Variants in RTN4 observed in about 807,000 individuals in gnomAD.
RTN4 encodes the protein reticulon-4.
In RTN4, 32 loss-of-function variants were observed where a neutral mutation model predicts 90.4. The ratio of observed to expected loss-of-function variants is 0.35; its 90% CI spans 0.27 to 0.48. The LOEUF (loss-of-function observed/expected upper bound fraction) is 0.48. RTN4 is among the 20% of genes least tolerant of loss of function. RTN4 has a pLI of 0.99. For missense variants in RTN4, 1,706 were observed against 1,430.2 expected, an observed-to-expected ratio of 1.19 and a Z score of -3.11; for synonymous variants, 629 against 552.5, an observed-to-expected ratio of 1.14 and a Z score of -1.94.
chr2:55,007,970 GACTACC>G, intron 3 of RTN4, among the ~76,000 whole-genome samples: 1 of 151,868 alleles, frequency 6.6e-6, no homozygotes, highest in African/African-American at 2.4e-5. Flanking sequence ...AAAATCTTTT[GACTACC>G]TTAATCAAAA....
At chr2:55,080,390 G>A (rs1293253179) in intron 2 of RTN4, 1 of 151,900 alleles carries the variant, frequency 6.6e-6, no homozygotes, top group Non-Finnish European at 1.5e-5. Flanking sequence ...AATTATCCGG[G>A]GTAGGTGGCA....
At chr2:55,061,211 G>A (rs568486476) in intron 2 of RTN4, among the ~76,000 whole-genome samples, 26 of 151,954 alleles carry the variant, frequency 1.7e-4, no homozygotes, top group African/African-American at 5.3e-4. Context: ...GGTTACAGGC[G>A]CACGCCACCA....
rs541631459 is a variant in RTN4 at position 55,102,392 on chromosome 2, C to A, written c.-214+10128G>T. ...GACCATGCTGTCTCTGCCAAAATGGCTCAACTCTGTTGTTTTACGGCAAAA... is the reference window on the plus strand; with the variant it reads ...GACCATGCTGTCTCTGCCAAAATGGATCAACTCTGTTGTTTTACGGCAAAA... On this transcript the variant is annotated intron_variant, in intron 1 of 3. Transcript: ENST00000427710. Among the ~76,000 whole-genome samples, 59 of 152,252 alleles carry A rather than the reference C, an allele frequency of 3.9e-4. 1 individual carries two copies. The highest frequency in any genetic ancestry group is 3.6e-3 in the Admixed American group (55 of 15,288).
chr2:55,068,108 T>C (rs1310313626), intron 2 of RTN4, among the ~76,000 whole-genome samples: 2 of 152,218 alleles, frequency 1.3e-5, no homozygotes, highest in Non-Finnish European at 2.9e-5. Flanking sequence ...TGGTTGGAAA[T>C]GGGAAGAATA....
At chr2:54,983,321 T>TAATAAATAAATAAATA (rs142672156) in intron 4 of RTN4, among the ~76,000 whole-genome samples, 55 of 148,232 alleles carry the variant, frequency 3.7e-4, no homozygotes, top group African/African-American at 1.3e-3. Flanking sequence ...ATTGTATTGG[T>TAATAAATAAATAAATA]AATAAATAAA....
At chr2:55,084,994 T>A (rs1668809828) in intron 1 of RTN4, among the ~76,000 whole-genome samples, 2 of 152,194 alleles carry the variant, frequency 1.3e-5, no homozygotes, top group South Asian at 4.1e-4. Flanking sequence ...TCTTACTATG[T>A]TGCCCAGGCT....
intron 2 of RTN4, among the ~76,000 whole-genome samples, chr2:55,078,517 A>G (rs1035968425): frequency 6.6e-6 from 1 of 152,228 alleles, no homozygotes; most frequent in Non-Finnish European, 1.5e-5. Flanking sequence ...ATAACTTCCT[A>G]TGGCTAAATA....
In RTN4 at chr2:55,049,946, C is replaced by G. The variant is rs1257727455; in HGVS notation, c.355G>C (p.Ala119Pro). 12 of 1,350,414 alleles carry G rather than the reference C, an allele frequency of 8.9e-6. No homozygotes were observed. Among genetic ancestry groups the G allele is most frequent in the South Asian group, 1.8e-5 (1 of 55,576 alleles). 83.7% of individuals were successfully genotyped at this position (1,350,414 alleles called of 1,614,324 possible). Residue 119 changes from alanine to proline, a missense_variant, in exon 1 of 9, where the codon GCG (alanine) becomes CCG (proline). Coordinates refer to ENST00000337526, the MANE Select transcript of RTN4 (RefSeq NM_020532.5). ...DPSPVSSTVP[A>P]PSPLSAAAVS... is the part of the protein sequence containing the mutation. ...GCGGCAGCAGACAGCGGGGATGGCG[C>G]GGGCACGGTCGACGACACCGGGCTC...
At chr2:55,120,237 C>T in the RTN4 span, among the ~76,000 whole-genome samples, 2 of 152,202 alleles carry the variant, frequency 1.3e-5, no homozygotes, top group African/African-American at 2.4e-5. Flanking sequence ...AGCAAAGGTT[C>T]TTAGAAGGAA....
intron 1 of RTN4, among the ~76,000 whole-genome samples, chr2:55,101,652 T>C (rs1667855038): frequency 6.6e-6 from 1 of 152,164 alleles, no homozygotes; most frequent in African/African-American, 2.4e-5. Context: ...GTGCTAGGTA[T>C]GCAAGTACCA....
chr2:55,101,979 A>T (rs139148933), intron 1 of RTN4, among the ~76,000 whole-genome samples: 1 of 151,780 alleles, frequency 6.6e-6, no homozygotes, highest in East Asian at 1.9e-4. Flanking sequence ...GTGAAATCTT[A>T]TTATTGTTTT....
intron 2 of RTN4, among the ~76,000 whole-genome samples, chr2:55,066,076 AAAG>A (rs1324369766): frequency 6.6e-6 from 1 of 152,246 alleles, no homozygotes; most frequent in South Asian, 2.1e-4. Flanking sequence ...AAATTTTTAA[AAAG>A]AATAGAACTA....
chr2:55,009,947 T>C (rs1411023019), intron 3 of RTN4: 25 of 864,034 alleles, frequency 2.9e-5, no homozygotes, highest in Non-Finnish European at 3.9e-5. Flanking sequence ...ACACGTGAGA[T>C]AGCCGTTTTA....
intron 8 of RTN4, 139 bp from the exon 9 acceptor site, chr2:54,973,337 T>G (rs566262538): frequency 2.2e-6 from 2 of 893,288 alleles, no homozygotes; most frequent in Admixed American, 4.9e-5. Context: ...AGCTATAATT[T>G]TGCCACCTTG....
Position 55,025,081 on chromosome 2 carries a change from A to T in RTN4, c.3013+5T>A. 1 of 1,590,166 alleles carries T rather than the reference A, an allele frequency of 6.3e-7. No individual in the cohort carries two copies. The highest frequency in any genetic ancestry group is 1.1e-5 in the South Asian group (1 of 87,480). ...AAGCACAAAACTGCATATAGATTGG[A>T]TTACCTGAAGTTTTACTCAGCTCTG... On this transcript the variant is annotated splice_donor_5th_base_variant and intron_variant, in intron 3 of 8. Coordinates refer to ENST00000337526, the MANE Select transcript of RTN4 (RefSeq NM_020532.5).
upstream of RTN4, among the ~76,000 whole-genome samples, chr2:55,116,773 G>A (rs1470375361): frequency 6.6e-6 from 1 of 152,084 alleles, no homozygotes; most frequent in Non-Finnish European, 1.5e-5. Context: ...AAGATTCTAG[G>A]GGAAAAGACT....
intron 2 of RTN4, among the ~76,000 whole-genome samples, chr2:55,066,187 G>T (rs867566824): frequency 4.1e-4 from 25 of 61,406 alleles, no homozygotes; most frequent in Middle Eastern, 0.011. Context: ...GTGTGTGTGT[G>T]TGTGTTTGTG....
intron 2 of RTN4, 46 bp downstream of exon 2, chr2:55,028,118 A>G: frequency 1.3e-6 from 2 of 1,547,064 alleles, no homozygotes; most frequent in Admixed American, 1.8e-5. Context: ...CTAAAGAGTT[A>G]AAGTTAGAAT....
At position 54,973,140 on chromosome 2, in the gene RTN4, ATTATT is replaced by A; in HGVS notation, c.*11_*15del. ...CCCCTTTAAAGATGAACTCCTACTA[ATTATT>A]TTGGGCGTTTTCATTCAGCTTTGCG... On this transcript the variant is annotated 3_prime_UTR_variant, in exon 9 of 9. Coordinates refer to ENST00000337526, the MANE Select transcript of RTN4 (RefSeq NM_020532.5). The A allele has an allele frequency of 6.3e-7, 1 of 1,599,462 alleles. No homozygotes were observed. Among genetic ancestry groups the A allele is most frequent in the Non-Finnish European group, 8.6e-7 (1 of 1,168,166 alleles).
Sources: allele counts gnomAD v4.1 joint callset (sites outside exome capture counted in the v4.1 genomes callset), GRCh38; gene constraint gnomAD v4.1.1; transcripts MANE v1.5; gene names NCBI Gene and HGNC (gene_info 2026-07-23, HGNC 2026-07-21).